Variants in MYCBPAP observed in about 807,000 individuals in gnomAD.
MYCBPAP encodes MYCBP associated protein, also known as MYCBP-associated protein.
Under a neutral mutation model 106.1 loss-of-function variants are expected in MYCBPAP, and 60 were observed. That is an observed-to-expected ratio of 0.57 (90% CI 0.46 to 0.70). MYCBPAP has a LOEUF of 0.70. Ranked by LOEUF, MYCBPAP falls within the 30% of genes least tolerant of loss-of-function variation. The pLI, the probability that MYCBPAP is intolerant of heterozygous loss-of-function variation, is 0.00. For missense variants in MYCBPAP, 1,064 were observed against 1,169.3 expected, an observed-to-expected ratio of 0.91 and a Z score of 1.31; for synonymous variants, 407 against 440.6, an observed-to-expected ratio of 0.92 and a Z score of 0.95.
chr17:50,516,757 T>C, intron 2 of MYCBPAP, 60 bp downstream of exon 2: 1 of 1,602,400 alleles, frequency 6.2e-7, no homozygotes, highest in Non-Finnish European at 8.5e-7. Context: ...GCAGCCTGAG[T>C]GGTCTAGAAC....
chr17:50,520,991 G>A lies in MYCBPAP; in HGVS notation c.917-119G>A, dbSNP rs546835027. The stretch of plus-strand genomic sequence containing the variant: ...GGAGTCTAGCTGCCACAGGGAAGCT[G>A]TATTTTTAGTCCTTCCTAGAAATGG... On this transcript the variant is annotated intron_variant, in intron 7 of 18. Transcript: ENST00000323776. 1.5e-5 allele frequency: 11 copies of A among 756,016 alleles called. No homozygotes were observed. The East Asian group carries it at 2.2e-4, about 15-fold the overall frequency. The allele number at this position is 756,016 out of a possible 1,614,324, so 46.8% of individuals were successfully genotyped here.
intron 15 of MYCBPAP, among the ~76,000 whole-genome samples, chr17:50,527,752 C>G (rs1821883077): frequency 6.6e-6 from 1 of 152,206 alleles, no homozygotes. Context: ...TCCCCTGTAC[C>G]TGTTTGGAAC....
At chr17:50,529,372 A>G (rs899342851) in intron 18 of MYCBPAP, 184 bp downstream of exon 18, 1 of 609,430 alleles carries the variant, frequency 1.6e-6, no homozygotes, top group Non-Finnish European at 2.8e-6. Flanking sequence ...GGTGATGAGT[A>G]CGACGGGAGA....
intron 18 of MYCBPAP, chr17:50,529,782 C>A (rs1053627289): frequency 2.2e-6 from 1 of 456,574 alleles, no homozygotes; most frequent in African/African-American, 2.0e-5. Context: ...CTGGCAGATG[C>A]GTTCCTTGGG....
intron 18 of MYCBPAP, chr17:50,530,309 C>T: frequency 3.2e-6 from 1 of 313,034 alleles, no homozygotes; most frequent in South Asian, 2.5e-5. Flanking sequence ...GCCTGGGCAA[C>T]ATGGTAAGAT....
chr17:50,524,709 G>GGC lies in MYCBPAP; in HGVS notation c.1636-166_1636-165dup, dbSNP rs1387335231. ...TCAGAGGTTTTCAGGTCTTAGAACAGGCGTGTGTGTGTGTGTGTGTGTGTG... is the reference window on the plus strand; with the variant it reads ...TCAGAGGTTTTCAGGTCTTAGAACAGGCGCGTGTGTGTGTGTGTGTGTGTGTG... On this transcript the variant is annotated intron_variant, in intron 12 of 18. Transcript: ENST00000323776. 6.4e-4 allele frequency among the ~76,000 whole-genome samples: 63 copies of GGC among 97,730 alleles called. 1 individual carries two copies. The highest frequency in any genetic ancestry group is 1.1e-3 in the Non-Finnish European group (55 of 50,734). The allele number at this position is 97,730 out of a possible 152,430, so 64.1% of individuals were successfully genotyped here.
intron 1 of MYCBPAP, among the ~76,000 whole-genome samples, chr17:50,513,281 G>T (rs546736518): frequency 7.3e-5 from 11 of 151,328 alleles, no homozygotes; most frequent in Non-Finnish European, 1.5e-4. Flanking sequence ...CAGCTACTCG[G>T]GAGGCCGAGG....
intron 12 of MYCBPAP, among the ~76,000 whole-genome samples, 165 bp from the exon 13 acceptor site, chr17:50,524,712 G>A (rs921495011): frequency 9.1e-5 from 5 of 55,198 alleles, no homozygotes; most frequent in East Asian, 8.0e-4. Flanking sequence ...TAGAACAGGC[G>A]TGTGTGTGTG....
At position 50,517,278 on chromosome 17, in the gene MYCBPAP, T is replaced by C; in HGVS notation, c.205-15T>C. On this transcript the variant is annotated splice_polypyrimidine_tract_variant and intron_variant, in intron 2 of 18. Coordinates refer to ENST00000323776, the MANE Select transcript of MYCBPAP (RefSeq NM_032133.6). Reference sequence around the variant, plus strand: ...CACCACAGGTGGAATTCTCCTTTGTTTTATTTCTTTTTAGCAACACATTCC... The same window carrying C: ...CACCACAGGTGGAATTCTCCTTTGTCTTATTTCTTTTTAGCAACACATTCC... The C allele has an allele frequency of 6.2e-7, 1 of 1,613,718 alleles. No individual in the cohort carries two copies. The highest frequency in any genetic ancestry group is 1.1e-5 in the South Asian group (1 of 91,070).
intron 1 of MYCBPAP, among the ~76,000 whole-genome samples, chr17:50,515,197 G>A (rs557805802): frequency 8.3e-4 from 114 of 137,688 alleles, no homozygotes; most frequent in Non-Finnish European, 1.4e-3. Context: ...TCCTTAGGAA[G>A]CCCTCCCTGA....
chr17:50,531,378 G>A lies in MYCBPAP; in HGVS notation c.2776G>A (p.Glu926Lys). Reference sequence around the variant, plus strand: ...GACTGACCTGATGGTCCTGGCTGATGAGCTCAGCCCCATAAAGAATGTCGA... The same window carrying A: ...GACTGACCTGATGGTCCTGGCTGATAAGCTCAGCCCCATAAAGAATGTCGA... ...LVTDLMVLADELSPIKNVEEA... is the reference protein window; with the variant it reads ...LVTDLMVLADKLSPIKNVEEA... Residue 926 changes from glutamate (E) to lysine (K), a missense_variant, in exon 19 of 19, where the codon GAG (glutamate) becomes AAG (lysine). Coordinates refer to ENST00000323776, the MANE Select transcript of MYCBPAP (RefSeq NM_032133.6). 3 of 1,613,680 alleles carry A rather than the reference G, an allele frequency of 1.9e-6. No homozygotes were observed. The highest frequency in any genetic ancestry group is 2.2e-5 in the South Asian group (2 of 90,892).
intron 15 of MYCBPAP, 86 bp downstream of exon 15, chr17:50,527,494 G>C: frequency 1.3e-6 from 2 of 1,555,914 alleles, no homozygotes; most frequent in African/African-American, 2.7e-5. Flanking sequence ...TGGGACTCCA[G>C]GGGTCTGAGC....
At chr17:50,522,709 A>AAAAAATATATATAT in intron 10 of MYCBPAP, 3 of 50,040 alleles carry the variant, frequency 6.0e-5, no homozygotes, top group Non-Finnish European at 1.0e-4. Flanking sequence ...AAAAAAAAAA[A>AAAAAATATATATAT]ATATATATAT....
intron 1 of MYCBPAP, among the ~76,000 whole-genome samples, chr17:50,510,632 C>G (rs2033813386): frequency 6.7e-6 from 1 of 148,568 alleles, no homozygotes; most frequent in South Asian, 2.1e-4. Context: ...CTCAAGTGAA[C>G]CTCCTGCCTC....
At chr17:50,521,246 C>A in intron 8 of MYCBPAP, 21 bp downstream of exon 8, 1 of 1,602,190 alleles carries the variant, frequency 6.2e-7, no homozygotes, top group East Asian at 2.2e-5. Context: ...CCTCCATGCC[C>A]CAGTCAGAAG....
intron 13 of MYCBPAP, among the ~76,000 whole-genome samples, chr17:50,525,254 G>A (rs2034420838): frequency 6.6e-6 from 1 of 152,214 alleles, no homozygotes; most frequent in African/African-American, 2.4e-5. Context: ...TCTAACTAAT[G>A]CCTGATGATC....
At chr17:50,509,280 T>G (rs2033733070) in intron 1 of MYCBPAP, 1 of 644,228 alleles carries the variant, frequency 1.6e-6, no homozygotes, top group East Asian at 2.7e-5. Flanking sequence ...GTTCTCTTTT[T>G]GACTGCCTTT....
rs185979997 is a variant in MYCBPAP at position 50,523,180 on chromosome 17, G to T, written c.1447+52G>T. On this transcript the variant is annotated intron_variant, in intron 11 of 18. Transcript: ENST00000323776. ...CTAGCTCCTGTCTGGGGCTGGTTTT[G>T]TCCTCCGTGAGACATCAAAGTTTAG... is the stretch of plus-strand genomic sequence containing the variant. 265 of 1,576,408 alleles carry T rather than the reference G, an allele frequency of 1.7e-4. 3 individuals are homozygous for T. In the Admixed American group the frequency reaches 4.5e-3, roughly 27 times the overall value.
chr17:50,517,973 A>G (rs991148794), intron 4 of MYCBPAP, among the ~76,000 whole-genome samples: 4 of 152,234 alleles, frequency 2.6e-5, no homozygotes, highest in African/African-American at 9.6e-5. Context: ...GCACCCAAAA[A>G]GGCATCAGGA....
Sources: allele counts gnomAD v4.1 joint callset (sites outside exome capture counted in the v4.1 genomes callset), GRCh38; gene constraint gnomAD v4.1.1; transcripts MANE v1.5; gene names NCBI Gene and HGNC (gene_info 2026-07-23, HGNC 2026-07-21).